The following CYP2J2 variants were observed in gnomAD, a reference collection of about 807,000 sequenced individuals.
The protein encoded by CYP2J2 is cytochrome P450 2J2.
CYP2J2 carries 41 observed loss-of-function variants against 48.8 expected under a neutral mutation model. The observed-to-expected ratio is 0.84, with a 90% CI of 0.66 to 1.09. The LOEUF (loss-of-function observed/expected upper bound fraction) is 1.09. CYP2J2 is among the 50% of genes least tolerant of loss of function. The probability of loss-of-function intolerance (pLI) is 0.00; values close to 1 mark genes in which losing one functional copy is unlikely to be tolerated. For missense variants in CYP2J2, 644 were observed against 617.3 expected, an observed-to-expected ratio of 1.04 and a Z score of -0.46; for synonymous variants, 221 against 227.1, an observed-to-expected ratio of 0.97 and a Z score of 0.24.
At chr1:59,951,425 TA>T in the CYP2J2 span, among the ~76,000 whole-genome samples, 4 of 152,076 alleles carry the variant, frequency 2.6e-5, no homozygotes, top group East Asian at 1.9e-4. Context: ...TCTTCACATT[TA>T]AAAAAAATAA....
chr1:59,965,790 T>C, the CYP2J2 span, among the ~76,000 whole-genome samples: 1 of 152,160 alleles, frequency 6.6e-6, no homozygotes, highest in Non-Finnish European at 1.5e-5. Flanking sequence ...TAGCTGGGAT[T>C]ACAGGCACCC....
chr1:59,896,637 C>T (rs1431406625), intron 8 of CYP2J2, among the ~76,000 whole-genome samples: 1 of 152,080 alleles, frequency 6.6e-6, no homozygotes, highest in Non-Finnish European at 1.5e-5. Flanking sequence ...CACCCCCTCC[C>T]CTATGTGAAT....
At chr1:59,894,049 G>T (rs1475256020) in intron 8 of CYP2J2, among the ~76,000 whole-genome samples, 1 of 152,118 alleles carries the variant, frequency 6.6e-6, no homozygotes, top group Non-Finnish European at 1.5e-5. Context: ...TGCCATCAGG[G>T]GTCCGGCAGG....
chr1:59,943,514 A>C, the CYP2J2 span, among the ~76,000 whole-genome samples: 1 of 152,322 alleles, frequency 6.6e-6, no homozygotes, highest in African/African-American at 2.4e-5. Flanking sequence ...AGAATTAGAC[A>C]GGCTACAGGT....
the CYP2J2 span, among the ~76,000 whole-genome samples, chr1:59,968,379 C>T: frequency 6.6e-6 from 1 of 152,150 alleles, no homozygotes; most frequent in African/African-American, 2.4e-5. Context: ...CAACAGCCCA[C>T]CATTCCCCTC....
At chr1:59,896,225 T>A (rs1644267585) in intron 8 of CYP2J2, among the ~76,000 whole-genome samples, 1 of 152,036 alleles carries the variant, frequency 6.6e-6, no homozygotes, top group Non-Finnish European at 1.5e-5. Flanking sequence ...CTAGCTTATA[T>A]CAGTGGGCAG....
Position 59,926,522 on chromosome 1 carries a change from T to A in CYP2J2, c.210+15A>T. The A allele has an allele frequency of 6.2e-7, 1 of 1,608,678 alleles. No homozygotes were observed. Among genetic ancestry groups the A allele is most frequent in the Non-Finnish European group, 8.5e-7 (1 of 1,175,016 alleles). ...TTAGGGTCAGGACACGCTAGGCACC[T>A]TCTCCCACTCCTACCAGCTGAACCT... On this transcript the variant is annotated intron_variant, in intron 1 of 8. Transcript: ENST00000371204.
chr1:59,967,146 C>G, the CYP2J2 span, among the ~76,000 whole-genome samples: 370 of 152,242 alleles, frequency 2.4e-3, no homozygotes, highest in Non-Finnish European at 3.8e-3. Context: ...AAAGCTTACA[C>G]GAGTTTTAAG....
intron 8 of CYP2J2, among the ~76,000 whole-genome samples, chr1:59,900,042 A>T (rs1348833223): frequency 6.6e-6 from 1 of 152,214 alleles, no homozygotes; most frequent in Non-Finnish European, 1.5e-5. Flanking sequence ...AAAACAAGAG[A>T]AAAAAAGAGA....
the CYP2J2 span, among the ~76,000 whole-genome samples, chr1:59,958,576 T>A: frequency 2.6e-5 from 4 of 152,106 alleles, no homozygotes; most frequent in African/African-American, 9.7e-5. Flanking sequence ...TCCCCTCCAC[T>A]CCAGAGTGCT....
chr1:59,917,978 C>T (rs908042799), intron 1 of CYP2J2, among the ~76,000 whole-genome samples: 2 of 152,198 alleles, frequency 1.3e-5, no homozygotes, highest in African/African-American at 2.4e-5. Context: ...CTTATCCCAC[C>T]ACCTTGCTCC....
At chr1:59,917,794 G>A (rs979563618) in intron 1 of CYP2J2, among the ~76,000 whole-genome samples, 5 of 152,114 alleles carry the variant, frequency 3.3e-5, no homozygotes, top group Non-Finnish European at 5.9e-5. Context: ...CCTTTTTTCT[G>A]CCTGGGTTGT....
In CYP2J2 at chr1:59,915,959, C is replaced by A. The variant is rs1377178727; in HGVS notation, c.352G>T (p.Glu118Ter). 6 of 1,613,192 alleles carry A rather than the reference C, an allele frequency of 3.7e-6. No individual in the cohort carries two copies. Among genetic ancestry groups the A allele is most frequent in the Non-Finnish European group, 5.1e-6 (6 of 1,179,726 alleles). Residue 118 changes from glutamate to a stop codon, truncating the protein, a stop_gained, in exon 2 of 9, where the codon GAA becomes TAA. Coordinates refer to ENST00000371204, the MANE Select transcript of CYP2J2 (RefSeq NM_000775.4). LOFTEE classifies it high-confidence loss of function. ...FGNRPVTPMR[E>*]HIFKKNGLIM... Reference sequence around the variant, plus strand: ...TTACCATTTTTCTTAAAGATATGTTCTCGCATAGGGGTCACGGGGCGGTTC... The same window carrying A: ...TTACCATTTTTCTTAAAGATATGTTATCGCATAGGGGTCACGGGGCGGTTC...
the CYP2J2 span, among the ~76,000 whole-genome samples, chr1:59,945,440 A>C: frequency 1.4e-5 from 2 of 140,852 alleles, no homozygotes; most frequent in Non-Finnish European, 1.6e-5. Flanking sequence ...CTATCTATCT[A>C]TCTCTCTATC....
At chr1:59,946,751 T>A in the CYP2J2 span, among the ~76,000 whole-genome samples, 33 of 152,284 alleles carry the variant, frequency 2.2e-4, no homozygotes, top group Middle Eastern at 6.8e-3. Flanking sequence ...AAGGTAAAAA[T>A]GTTAGAGTTT....
At chr1:59,929,650 C>G (rs1057388728), upstream of CYP2J2, among the ~76,000 whole-genome samples, 1 of 151,916 alleles carries the variant, frequency 6.6e-6, no homozygotes, top group African/African-American at 2.4e-5. Flanking sequence ...AGGGGATCAA[C>G]AGTAGATGTA....
chr1:59,924,500 TACA>T (rs1356634689), intron 1 of CYP2J2, among the ~76,000 whole-genome samples: 8 of 152,132 alleles, frequency 5.3e-5, no homozygotes, highest in African/African-American at 1.9e-4. Flanking sequence ...AGATAACACT[TACA>T]ACAATTATGA....
At chr1:59,955,297 TATATATATCCATATATATCC>T in the CYP2J2 span, among the ~76,000 whole-genome samples, 1 of 129,374 alleles carries the variant, frequency 7.7e-6, no homozygotes, top group African/African-American at 2.6e-5. Context: ...TATATCCATA[TATATATATCCATATATATCC>T]ATATATATAT....
the CYP2J2 span, among the ~76,000 whole-genome samples, chr1:59,959,112 T>G: frequency 2.6e-5 from 4 of 152,304 alleles, no homozygotes; most frequent in African/African-American, 9.6e-5. Flanking sequence ...CTCCTGCAAT[T>G]AGGCCCCTTG....
Sources: allele counts gnomAD v4.1 joint callset (sites outside exome capture counted in the v4.1 genomes callset), GRCh38; gene constraint gnomAD v4.1.1; transcripts MANE v1.5; gene names NCBI Gene and HGNC (gene_info 2026-07-23, HGNC 2026-07-21).